FBXW7: variants seen among roughly 807,000 people sequenced by gnomAD.
FBXW7 encodes F-box/WD repeat-containing protein 7.
Under a neutral mutation model 86.3 loss-of-function variants are expected in FBXW7, and 11 were observed. The observed-to-expected ratio is 0.13, with a 90% CI of 0.08 to 0.21. The LOEUF is 0.21. Among genes scored for constraint, FBXW7 ranks in the 10% least tolerant of loss-of-function variants. The pLI is 1.00. For synonymous variants in FBXW7, 313 were observed against 297.9 expected (o/e 1.05, Z -0.52); for missense variants, 488 against 847.4 (o/e 0.58, Z 5.27).
In FBXW7 at chr4:152,411,198, C is replaced by T. The variant is rs536244726; in HGVS notation, c.501+105G>A. 2.2e-6 allele frequency: 3 copies of T among 1,360,894 alleles called. No individual in the cohort carries two copies. In the East Asian group the frequency reaches 7.6e-5, roughly 35 times the overall value. The allele number at this position is 1,360,894 out of a possible 1,614,324, so 84.3% of individuals were successfully genotyped here. A position where few individuals can be genotyped will look rare whatever the true frequency, so the allele number is the denominator to read the frequency against. On this transcript the variant is annotated intron_variant, in intron 4 of 13. Coordinates refer to ENST00000281708, the MANE Select transcript of FBXW7 (RefSeq NM_001349798.2). The stretch of plus-strand genomic sequence containing the variant: ...ACTAGTTCATTTTATTATTACACAT[C>T]TTAAGATTAATTTTTAGTAATACAA...
chr4:152,514,024 G>A (rs1748231795), intron 2 of FBXW7, among the ~76,000 whole-genome samples: 1 of 152,174 alleles, frequency 6.6e-6, no homozygotes, highest in Non-Finnish European at 1.5e-5. Context: ...AAATATCAAA[G>A]TCTTCATGGT....
chr4:152,330,796 C>T lies in FBXW7; in HGVS notation c.1058G>A (p.Ser353Asn). The change falls in exon 9 of 14, where the codon AGT (serine) becomes AAT (asparagine). Residue 353 changes from serine to asparagine, a missense_variant. By Grantham distance (46) the Ser-to-Asn change is conservative. This residue lies in a region of FBXW7 where 57 missense variants were observed against 62.8 expected (regional missense o/e 0.91). Coordinates refer to ENST00000281708, the MANE Select transcript of FBXW7 (RefSeq NM_001349798.2). ...KPGFIHSPWK[S>N]AYIRQHRIDT... Reference sequence around the variant, plus strand: ...AATTCTGTGCTGTCTGATGTATGCACTTTTCCATGGACTGTGTATGAAACC... The same window carrying T: ...AATTCTGTGCTGTCTGATGTATGCATTTTTCCATGGACTGTGTATGAAACC... 6.2e-7 allele frequency: 1 copy of T among 1,612,748 alleles called. No individual in the cohort carries two copies. The highest frequency in any genetic ancestry group is 8.5e-7 in the Non-Finnish European group (1 of 1,179,002).
intron 2 of FBXW7, among the ~76,000 whole-genome samples, chr4:152,440,852 TC>T (rs1740827605): frequency 6.6e-6 from 1 of 152,146 alleles, no homozygotes; most frequent in African/African-American, 2.4e-5. Flanking sequence ...CACACCACTT[TC>T]TATTCTCTCT....
chr4:152,527,901 C>CACACACACACATAT (rs71596295), intron 2 of FBXW7, among the ~76,000 whole-genome samples: 1 of 149,188 alleles, frequency 6.7e-6, no homozygotes, highest in African/African-American at 2.5e-5. Context: ...CACACACACA[C>CACACACACACATAT]ATATATATAC....
intron 2 of FBXW7, among the ~76,000 whole-genome samples, chr4:152,473,023 C>T (rs945654693): frequency 8.6e-5 from 13 of 152,034 alleles, no homozygotes; most frequent in African/African-American, 3.1e-4. Flanking sequence ...AAAAATTTCC[C>T]GTAAAATCTT....
At chr4:152,510,252 A>G in intron 2 of FBXW7, among the ~76,000 whole-genome samples, 1 of 152,224 alleles carries the variant, frequency 6.6e-6, no homozygotes, top group East Asian at 1.9e-4. Flanking sequence ...TAAGTTATAA[A>G]AAGGATTCTT....
intron 2 of FBXW7, among the ~76,000 whole-genome samples, chr4:152,476,902 AG>A (rs1193592001): frequency 3.3e-3 from 510 of 152,290 alleles, no homozygotes; most frequent in African/African-American, 0.011. Flanking sequence ...TCCAAAGCAA[AG>A]AAAGGCATTC....
At chr4:152,489,612 T>A (rs1281250948) in intron 2 of FBXW7, among the ~76,000 whole-genome samples, 1 of 152,118 alleles carries the variant, frequency 6.6e-6, no homozygotes, top group African/African-American at 2.4e-5. Flanking sequence ...AAAATATCAG[T>A]TTCCAGGAAT....
chr4:152,453,683 G>A (rs963964845), intron 2 of FBXW7, among the ~76,000 whole-genome samples: 2 of 152,088 alleles, frequency 1.3e-5, no homozygotes, highest in African/African-American at 2.4e-5. Context: ...AATGTAAATC[G>A]AATTTTTAAA....
intron 2 of FBXW7, among the ~76,000 whole-genome samples, chr4:152,510,392 G>A (rs1248500073): frequency 6.6e-5 from 10 of 152,146 alleles, no homozygotes; most frequent in Admixed American, 6.5e-4. Context: ...CCACAAAAAT[G>A]TATACTCCCA....
intron 2 of FBXW7, among the ~76,000 whole-genome samples, chr4:152,445,115 C>T (rs946015199): frequency 2.6e-5 from 4 of 152,102 alleles, no homozygotes; most frequent in African/African-American, 9.7e-5. Context: ...TGTGAGCCAC[C>T]GTGCCCAGCC....
intron 11 of FBXW7, among the ~76,000 whole-genome samples, chr4:152,327,154 A>C (rs1208768803): frequency 6.6e-6 from 1 of 152,092 alleles, no homozygotes; most frequent in African/African-American, 2.4e-5. Context: ...AAGGGTTGAG[A>C]GAACCCTTTA....
At chr4:152,492,816 G>T (rs1305616385) in intron 2 of FBXW7, among the ~76,000 whole-genome samples, 2 of 152,016 alleles carry the variant, frequency 1.3e-5, no homozygotes, top group Non-Finnish European at 2.9e-5. Context: ...AGGTAGATTA[G>T]GGTCAAATCA....
chr4:152,489,755 T>C (rs1221790613), intron 2 of FBXW7, among the ~76,000 whole-genome samples: 1 of 152,056 alleles, frequency 6.6e-6, no homozygotes, highest in African/African-American at 2.4e-5. Context: ...AACTGAAACC[T>C]GGCACCCTTA....
At position 152,329,811 on chromosome 4, in the gene FBXW7, A is replaced by C. The variant is rs370526423; in HGVS notation, c.1123-26T>G. On this transcript the variant is annotated intron_variant, in intron 9 of 13. Coordinates refer to ENST00000281708, the MANE Select transcript of FBXW7 (RefSeq NM_001349798.2). Reference sequence around the variant, plus strand: ...CTATAAGAAAGATGTGCAGATTAGAAATATGTTAATTAAATTATGTTCTTT... The same window carrying C: ...CTATAAGAAAGATGTGCAGATTAGACATATGTTAATTAAATTATGTTCTTT... The C allele has an allele frequency of 5.4e-6, 7 of 1,294,572 alleles. No individual in the cohort carries two copies. The African/African-American group carries it at 7.7e-5, about 14-fold the overall frequency. 80.2% of individuals were successfully genotyped at this position (1,294,572 alleles called of 1,614,324 possible).
At chr4:152,504,868 A>G (rs913816469) in intron 2 of FBXW7, among the ~76,000 whole-genome samples, 1 of 152,174 alleles carries the variant, frequency 6.6e-6, no homozygotes, top group Admixed American at 6.5e-5. Context: ...CCATCAGGCT[A>G]AATATCTTAA....
intron 2 of FBXW7, among the ~76,000 whole-genome samples, chr4:152,503,954 T>C (rs544388306): frequency 1.3e-5 from 2 of 152,224 alleles, no homozygotes; most frequent in South Asian, 4.1e-4. Context: ...GTTAAAAAAA[T>C]AAAAAACAAT....
chr4:152,525,970 AT>A (rs1749472302), intron 2 of FBXW7, among the ~76,000 whole-genome samples: 2 of 152,130 alleles, frequency 1.3e-5, no homozygotes, highest in Non-Finnish European at 2.9e-5. Flanking sequence ...AGCATCTGTT[AT>A]TTTTTGACTT....
intron 2 of FBXW7, among the ~76,000 whole-genome samples, chr4:152,450,739 T>A (rs887756763): frequency 1.3e-5 from 2 of 152,182 alleles, no homozygotes; most frequent in Admixed American, 6.5e-5. Context: ...AAATAAATCA[T>A]GTGTCTAATA....
Sources: allele counts gnomAD v4.1 joint callset (sites outside exome capture counted in the v4.1 genomes callset), GRCh38; gene constraint gnomAD v4.1.1; regional missense constraint gnomAD v4.1.1; transcripts MANE v1.5; gene names NCBI Gene and HGNC (gene_info 2026-07-23, HGNC 2026-07-21).